The following SLC6A3 variants were observed in gnomAD, a reference collection of about 807,000 sequenced individuals.
The protein encoded by SLC6A3 is sodium-dependent dopamine transporter.
Under a neutral mutation model 70.4 loss-of-function variants are expected in SLC6A3, and 19 were observed. The ratio of observed to expected loss-of-function variants is 0.27; its 90% CI spans 0.19 to 0.40. The LOEUF is 0.40. SLC6A3 is among the 10% of genes least tolerant of loss of function. The probability of loss-of-function intolerance (pLI) is 1.00; values close to 1 mark genes in which losing one functional copy is unlikely to be tolerated. For synonymous variants in SLC6A3, 368 were observed against 356.6 expected (o/e 1.03, Z -0.36); for missense variants, 613 against 838.5 (o/e 0.73, Z 3.32).
At chr5:1,428,041 T>C (rs981448833) in intron 4 of SLC6A3, among the ~76,000 whole-genome samples, 1 of 152,084 alleles carries the variant, frequency 6.6e-6, no homozygotes, top group African/African-American at 2.4e-5. Context: ...GACAGCAGAA[T>C]ACATATTCTT....
rs192913300 is a variant in SLC6A3 at position 1,427,244 on chromosome 5, T to C, written c.653+5220A>G. 2.0e-3 allele frequency among the ~76,000 whole-genome samples: 299 copies of C among 152,368 alleles called. 1 individual carries two copies. The highest frequency in any genetic ancestry group is 3.3e-3 in the Non-Finnish European group (227 of 68,040). On this transcript the variant is annotated intron_variant, in intron 4 of 14. Coordinates refer to ENST00000270349, the MANE Select transcript of SLC6A3 (RefSeq NM_001044.5). Reference sequence around the variant, plus strand: ...TGATACATATTGTAGAAAAAATCTATGACAACAATTGCACAAAGGATGTGA... The same window carrying C: ...TGATACATATTGTAGAAAAAATCTACGACAACAATTGCACAAAGGATGTGA...
rs528095753 is a variant in SLC6A3, at chr5:1,411,927, C to T, written c.1157-572G>A. The stretch of plus-strand genomic sequence containing the variant: ...CAATATACACACACAGACACATGCG[C>T]GCACATGCACGAACACTCATTTGTG... On this transcript the variant is annotated intron_variant, in intron 8 of 14. Coordinates refer to ENST00000270349, the MANE Select transcript of SLC6A3 (RefSeq NM_001044.5). This position sits in a 1 kb window ranked among gnomAD's most constrained non-coding sequence, Gnocchi z 6.5. 1.4e-4 allele frequency among the ~76,000 whole-genome samples: 21 copies of T among 152,140 alleles called. No individual in the cohort carries two copies. The highest frequency in any genetic ancestry group is 2.6e-4 in the Non-Finnish European group (18 of 68,030).
rs1010368814 is a variant in SLC6A3, at chr5:1,402,374, C to T, written c.1767+548G>A. Among the ~76,000 whole-genome samples the T allele has an allele frequency of 6.6e-6, 1 of 151,864 alleles. No individual in the cohort carries two copies. The highest frequency in any genetic ancestry group is 2.4e-5 in the African/African-American group (1 of 41,384). ...GAAAGGAGATGCATATCAGTGACTC[C>T]GCAAAGCTTCCTCCACTGCCTGGGG... On this transcript the variant is annotated intron_variant, in intron 13 of 14. Transcript: ENST00000270349. This position sits in a 1 kb window ranked among gnomAD's most constrained non-coding sequence, Gnocchi z 8.5.
rs1421970174 is a variant in SLC6A3, at chr5:1,436,779, G to A, written c.419-4081C>T. On this transcript the variant is annotated intron_variant, in intron 3 of 14. Transcript: ENST00000270349. This position sits in a 1 kb window ranked among gnomAD's most constrained non-coding sequence, Gnocchi z 5.2. Reference sequence around the variant, plus strand: ...GGGTCGTGCCTGCAAATGGTGCTTCGCCCACCAGAGCACGGCCACCCTGCC... The same window carrying A: ...GGGTCGTGCCTGCAAATGGTGCTTCACCCACCAGAGCACGGCCACCCTGCC... 1.3e-5 allele frequency among the ~76,000 whole-genome samples: 2 copies of A among 152,124 alleles called. No individual in the cohort carries two copies. Among genetic ancestry groups the A allele is most frequent in the African/African-American group, 2.4e-5 (1 of 41,420 alleles).
At chr5:1,441,321 G>T in intron 3 of SLC6A3, 38 bp downstream of exon 3, 5 of 1,613,340 alleles carry the variant, frequency 3.1e-6, no homozygotes, top group Non-Finnish European at 4.2e-6. Flanking sequence ...ACCATGATCC[G>T]CGCTGCGCCA....
intron 3 of SLC6A3, among the ~76,000 whole-genome samples, chr5:1,439,318 TGGGGTGGGGGTGGGGGTG>T (rs554357206): frequency 1.8e-4 from 3 of 17,122 alleles, no homozygotes; most frequent in African/African-American, 9.2e-4. Flanking sequence ...AAGATGTGTG[TGGGGTGGGGGTGGGGGTG>T]GGGGTGGGGA....
chr5:1,395,949 C>T (rs149996677), intron 14 of SLC6A3, among the ~76,000 whole-genome samples: 4 of 152,332 alleles, frequency 2.6e-5, no homozygotes, highest in Non-Finnish European at 5.9e-5. Flanking sequence ...AAGACAGCAG[C>T]CCACTCTAAG....
chr5:1,425,406 T>G (rs1000919113), intron 4 of SLC6A3, among the ~76,000 whole-genome samples: 5 of 152,190 alleles, frequency 3.3e-5, no homozygotes, highest in African/African-American at 1.2e-4. Flanking sequence ...TAAATACCCA[T>G]TAGTATAAAA....
chr5:1,404,586 G>A lies in SLC6A3; in HGVS notation c.1600-1497C>T, dbSNP rs1275127964. 3.3e-5 allele frequency among the ~76,000 whole-genome samples: 5 copies of A among 152,214 alleles called. No homozygotes were observed. The highest frequency in any genetic ancestry group is 7.3e-5 in the Non-Finnish European group (5 of 68,038). On this transcript the variant is annotated intron_variant, in intron 12 of 14. Transcript: ENST00000270349. The surrounding 1 kb of genome is among the most constrained non-coding windows in gnomAD (Gnocchi z 5.2). ...TCATCTGCCACAGAGTCATCTGAAC[G>A]AGACTGGGGCGTGTACACCCCTTAC... is the stretch of plus-strand genomic sequence containing the variant.
In SLC6A3 at chr5:1,397,332, G is replaced by A. The variant is rs1279185316; in HGVS notation, c.1840-2574C>T. On this transcript the variant is annotated intron_variant, in intron 14 of 14. Transcript: ENST00000270349. This position sits in a 1 kb window ranked among gnomAD's most constrained non-coding sequence, Gnocchi z 4.7. ...TGCAGTCCCAGCTACTCGGGAGGCT[G>A]AGGCAGGAGAATGGCGCGAACCCGG... is the stretch of plus-strand genomic sequence containing the variant. 6.6e-6 allele frequency among the ~76,000 whole-genome samples: 1 copy of A among 152,230 alleles called. No homozygotes were observed. The highest frequency in any genetic ancestry group is 2.4e-5 in the African/African-American group (1 of 41,458).
At position 1,401,417 on chromosome 5, in the gene SLC6A3, T is replaced by C; in HGVS notation, c.1768-431A>G. ...CCGGGAGCACTTGCTTTTTGTCACC[T>C]GCAGCTCTTGGGAGAGTGAACGCTG... On this transcript the variant is annotated intron_variant, in intron 13 of 14. Coordinates refer to ENST00000270349, the MANE Select transcript of SLC6A3 (RefSeq NM_001044.5). The surrounding 1 kb of genome is among the most constrained non-coding windows in gnomAD (Gnocchi z 6.1). 2.5e-6 allele frequency: 1 copy of C among 396,158 alleles called. No homozygotes were observed. The highest frequency in any genetic ancestry group is 1.9e-5 in the South Asian group (1 of 52,204). 24.5% of individuals were successfully genotyped at this position (396,158 alleles called of 1,614,324 possible). A position where few individuals can be genotyped will look rare whatever the true frequency, so the allele number is the denominator to read the frequency against.
At position 1,402,152 on chromosome 5, in the gene SLC6A3, C is replaced by T. The variant is rs1755865655; in HGVS notation, c.1767+770G>A. ...TTTGATGCCCAGGGCCAAGCGACTT[C>T]TTTCTGAGAAAGGCTGGGATTTGAG... is the stretch of plus-strand genomic sequence containing the variant. On this transcript the variant is annotated intron_variant, in intron 13 of 14. Transcript: ENST00000270349. This position sits in a 1 kb window ranked among gnomAD's most constrained non-coding sequence, Gnocchi z 8.5. 6.6e-6 allele frequency among the ~76,000 whole-genome samples: 1 copy of T among 152,064 alleles called. No individual in the cohort carries two copies. Among genetic ancestry groups the T allele is most frequent in the East Asian group, 1.9e-4 (1 of 5,172 alleles).
At chr5:1,430,432 G>A (rs568675436) in intron 4 of SLC6A3, among the ~76,000 whole-genome samples, 83 of 152,324 alleles carry the variant, frequency 5.4e-4, no homozygotes, top group Admixed American at 9.8e-4. Context: ...TTCCATGCCC[G>A]AGGAGGAATT....
chr5:1,444,935 C>G (rs1052376390), intron 1 of SLC6A3, among the ~76,000 whole-genome samples: 1 of 152,214 alleles, frequency 6.6e-6, no homozygotes, highest in African/African-American at 2.4e-5. Flanking sequence ...ACAAAGCCCC[C>G]GCGAGATGGA....
In SLC6A3 at chr5:1,401,175, G is replaced by A. The variant is rs1342621707; in HGVS notation, c.1768-189C>T. The A allele has an allele frequency of 8.6e-6, 6 of 701,738 alleles. No homozygotes were observed. The highest frequency in any genetic ancestry group is 1.3e-5 in the Non-Finnish European group (5 of 384,602). 43.5% of individuals were successfully genotyped at this position (701,738 alleles called of 1,614,324 possible). ...ACTGACTTACACTGCCAGTGCCCAT[G>A]CCGACCAGACAGCCAGTCAGGCCCG... On this transcript the variant is annotated intron_variant, in intron 13 of 14. Transcript: ENST00000270349. The surrounding 1 kb of genome is among the most constrained non-coding windows in gnomAD (Gnocchi z 6.1).
rs1201526247 is a variant in SLC6A3 at position 1,405,843 on chromosome 5, C to T, written c.1599+345G>A. On this transcript the variant is annotated intron_variant, in intron 12 of 14. Coordinates refer to ENST00000270349, the MANE Select transcript of SLC6A3 (RefSeq NM_001044.5). This position sits in a 1 kb window ranked among gnomAD's most constrained non-coding sequence, Gnocchi z 5.3. ...GTCCCCACTGCCCCGGAAGCTCTAA[C>T]TTCGACCTTGATCCTCACAGGCAGA... Among the ~76,000 whole-genome samples, 2 of 139,826 alleles carry T rather than the reference C, an allele frequency of 1.4e-5. No homozygotes were observed. Among genetic ancestry groups the T allele is most frequent in the Non-Finnish European group, 2.9e-5 (2 of 67,920 alleles). 91.7% of individuals were successfully genotyped at this position (139,826 alleles called of 152,430 possible). A position where few individuals can be genotyped will look rare whatever the true frequency, so the allele number is the denominator to read the frequency against.
intron 11 of SLC6A3, among the ~76,000 whole-genome samples, chr5:1,407,078 A>C (rs1473841828): frequency 6.6e-6 from 1 of 152,222 alleles, no homozygotes; most frequent in Non-Finnish European, 1.5e-5. Flanking sequence ...CCCCAAAAGC[A>C]AGTACCAGCA....
intron 14 of SLC6A3, 32 bp downstream of exon 14, chr5:1,400,883 C>A: frequency 4.0e-6 from 6 of 1,518,200 alleles, no homozygotes; most frequent in East Asian, 2.4e-5. Context: ...TGAATTCCCC[C>A]GAGAGAGGCC....
chr5:1,402,794 TG>T lies in SLC6A3; in HGVS notation c.1767+127del. ...CGCACACACACACACAGTGTTGTGG[TG>T]GCCACCTCCAGTCTCCTCCTCTTGG... On this transcript the variant is annotated intron_variant, in intron 13 of 14. Coordinates refer to ENST00000270349, the MANE Select transcript of SLC6A3 (RefSeq NM_001044.5). The surrounding 1 kb of genome is among the most constrained non-coding windows in gnomAD (Gnocchi z 8.5). The T allele has an allele frequency of 1.1e-6, 1 of 943,014 alleles. No individual in the cohort carries two copies. The highest frequency in any genetic ancestry group is 1.7e-6 in the Non-Finnish European group (1 of 597,522). The allele number at this position is 943,014 out of a possible 1,614,324, so 58.4% of individuals were successfully genotyped here.
Sources: gnomAD v4.1 joint callset for allele counts (sites outside exome capture counted in the v4.1 genomes callset) on GRCh38, gnomAD v4.1.1 for gene constraint, Gnocchi (gnomAD v3.1) non-coding constraint, MANE v1.5 for transcripts, NCBI Gene and HGNC (gene_info 2026-07-23, HGNC 2026-07-21) for gene names.